The following ZHX2 variants were observed in gnomAD, a reference collection of about 807,000 sequenced individuals.
ZHX2 encodes zinc fingers and homeoboxes protein 2.
A neutral mutation model predicts 21.9 loss-of-function variants in ZHX2; 6 were observed. That is an observed-to-expected ratio of 0.27 (90% CI 0.15 to 0.54). The LOEUF (loss-of-function observed/expected upper bound fraction) is 0.54. Among genes scored for constraint, ZHX2 ranks in the 20% least tolerant of loss-of-function variants. The pLI is 0.95. For missense variants in ZHX2, 908 were observed against 1,090.7 expected (o/e 0.83, Z 2.36); for synonymous variants, 434 against 437.1 (o/e 0.99, Z 0.09).
chr8:122,885,359 A>C (rs997954612), intron 2 of ZHX2, among the ~76,000 whole-genome samples: 1 of 152,238 alleles, frequency 6.6e-6, no homozygotes, highest in Non-Finnish European at 1.5e-5. Flanking sequence ...GTCTGCATGC[A>C]TCAGCATTTG....
At chr8:122,791,387 A>G (rs1418121005) in intron 1 of ZHX2, among the ~76,000 whole-genome samples, 1 of 152,218 alleles carries the variant, frequency 6.6e-6, no homozygotes, top group Non-Finnish European at 1.5e-5. Context: ...CAGCCCAAGT[A>G]GCTGATTGGG....
intron 2 of ZHX2, among the ~76,000 whole-genome samples, chr8:122,883,507 A>G (rs958940092): frequency 6.6e-6 from 1 of 152,198 alleles, no homozygotes; most frequent in Non-Finnish European, 1.5e-5. Flanking sequence ...GCAATATGGA[A>G]CACACTTATA....
At chr8:122,935,848 T>C (rs1040346288) in intron 2 of ZHX2, among the ~76,000 whole-genome samples, 2 of 152,196 alleles carry the variant, frequency 1.3e-5, no homozygotes, top group Admixed American at 1.3e-4. Context: ...AGTCACTCTT[T>C]AGTCACCATC....
chr8:122,935,991 T>C (rs1812678342), intron 2 of ZHX2, among the ~76,000 whole-genome samples: 1 of 152,190 alleles, frequency 6.6e-6, no homozygotes, highest in Admixed American at 6.5e-5. Context: ...CCTGAGTATC[T>C]AAGGCAGTGT....
At chr8:122,971,824 A>G (rs1813733285) in intron 3 of ZHX2, among the ~76,000 whole-genome samples, 2 of 152,044 alleles carry the variant, frequency 1.3e-5, no homozygotes, top group Admixed American at 6.6e-5. Flanking sequence ...AGACAAAAGT[A>G]ATGATGGAGA....
In ZHX2 at chr8:122,953,982, A is replaced by G. The variant is rs1813226463; in HGVS notation, c.2472A>G (p.Glu824=). Residue 824 remains glutamate, a synonymous_variant, in exon 3 of 4, where the codon GAA becomes GAG. Transcript: ENST00000314393. The surrounding 1 kb of genome is among the most constrained non-coding windows in gnomAD (Gnocchi z 4.6). ...CAGAAGGTGTGTCGGAACTGGCTGA[A>G]TCAGACTCCGACTGCGTCCCTGCAG... The part of the protein sequence containing the change: ...AAAEGVSELA[E]SDSDCVPAEA... The G allele has an allele frequency of 6.2e-7, 1 of 1,612,456 alleles. No homozygotes were observed.
At chr8:122,894,173 G>A (rs1281250417) in intron 2 of ZHX2, among the ~76,000 whole-genome samples, 4 of 152,248 alleles carry the variant, frequency 2.6e-5, no homozygotes, top group Non-Finnish European at 5.9e-5. Context: ...GGGATGCCAG[G>A]CAGGCTGATG....
At chr8:122,807,744 A>G (rs1239448053) in intron 1 of ZHX2, 1 of 152,050 alleles carries the variant, frequency 6.6e-6, no homozygotes, top group Non-Finnish European at 1.5e-5. Flanking sequence ...ATATGTAACC[A>G]CCTTCTCGGG....
chr8:122,830,222 C>T (rs1747757769), intron 1 of ZHX2, among the ~76,000 whole-genome samples: 1 of 152,220 alleles, frequency 6.6e-6, no homozygotes, highest in African/African-American at 2.4e-5. Flanking sequence ...GTCCTGTAAA[C>T]AGGAAGTGTC....
intron 1 of ZHX2, among the ~76,000 whole-genome samples, chr8:122,858,869 G>C (rs1453098959): frequency 6.6e-6 from 1 of 152,088 alleles, no homozygotes; most frequent in Non-Finnish European, 1.5e-5. Context: ...TCAAACTCCT[G>C]ACCTCAGGTA....
At chr8:122,933,269 G>A (rs942242376) in intron 2 of ZHX2, among the ~76,000 whole-genome samples, 4 of 152,136 alleles carry the variant, frequency 2.6e-5, no homozygotes, top group South Asian at 2.1e-4. Flanking sequence ...AAGAATTGTC[G>A]ATATTATAAA....
intron 1 of ZHX2, among the ~76,000 whole-genome samples, chr8:122,783,926 G>A (rs918092590): frequency 5.3e-5 from 8 of 152,218 alleles, no homozygotes; most frequent in Admixed American, 2.0e-4. Context: ...GCTCTGCTCC[G>A]CGATTGTTCT....
intron 1 of ZHX2, among the ~76,000 whole-genome samples, chr8:122,822,814 C>G (rs1818182325): frequency 6.6e-6 from 1 of 152,170 alleles, no homozygotes; most frequent in Admixed American, 6.5e-5. Flanking sequence ...GGGCGCGGAG[C>G]CCGGCGGATG....
At chr8:122,809,139 C>G (rs117608791) in intron 1 of ZHX2, 4,603 of 152,336 alleles carry the variant, frequency 0.03, 84 homozygotes, top group East Asian at 0.055. Context: ...TTGGCAGTTA[C>G]ATCATAACAG....
chr8:122,938,235 TGTTTCCTG>T (rs1812756032), intron 2 of ZHX2, among the ~76,000 whole-genome samples: 1 of 152,126 alleles, frequency 6.6e-6, no homozygotes, highest in East Asian at 1.9e-4. Flanking sequence ...GCCCAGTTTA[TGTTTCCTG>T]GTTTTCATGA....
In ZHX2 at chr8:122,952,927, A is replaced by T; in HGVS notation, c.1417A>T (p.Ile473Phe). Residue 473 changes from isoleucine to phenylalanine, a missense_variant, in exon 3 of 4, where the codon ATC becomes TTC. By Grantham distance (21) the Ile-to-Phe change is conservative. Coordinates refer to ENST00000314393, the MANE Select transcript of ZHX2 (RefSeq NM_014943.5). The surrounding 1 kb of genome is among the most constrained non-coding windows in gnomAD (Gnocchi z 6.9). ...TGACGATGCCGAGGTTTACCGGCTC[A>T]TCGAGGTGACTGGCCTTGCCAGGAG... ...FPDDAEVYRLIEVTGLARSEI... is the reference protein window; with the variant it reads ...FPDDAEVYRLFEVTGLARSEI... 1 of 1,614,148 alleles carries T rather than the reference A, an allele frequency of 6.2e-7. No homozygotes were observed. Among genetic ancestry groups the T allele is most frequent in the Non-Finnish European group, 8.5e-7 (1 of 1,180,046 alleles).
At chr8:122,797,488 G>A (rs1817635051) in intron 1 of ZHX2, among the ~76,000 whole-genome samples, 1 of 152,224 alleles carries the variant, frequency 6.6e-6, no homozygotes, top group African/African-American at 2.4e-5. Context: ...TGCTGCTTCA[G>A]CAAGCATTGT....
At chr8:122,808,860 C>T (rs552118370) in intron 1 of ZHX2, 5 of 152,312 alleles carry the variant, frequency 3.3e-5, no homozygotes, top group African/African-American at 4.8e-5. Flanking sequence ...AGCTCCAAAG[C>T]GCTAGCTAGA....
chr8:122,912,112 G>A (rs1301506748), intron 2 of ZHX2, among the ~76,000 whole-genome samples: 1 of 152,188 alleles, frequency 6.6e-6, no homozygotes, highest in Non-Finnish European at 1.5e-5. Context: ...TCATGAAGAT[G>A]GTGGCGGGGC....
Sources: allele counts gnomAD v4.1 joint callset (sites outside exome capture counted in the v4.1 genomes callset), GRCh38; gene constraint gnomAD v4.1.1; non-coding constraint Gnocchi (gnomAD v3.1); transcripts MANE v1.5; gene names NCBI Gene and HGNC (gene_info 2026-07-23, HGNC 2026-07-21).